LRBA: variants seen among roughly 807,000 people sequenced by gnomAD.
LRBA encodes lipopolysaccharide-responsive and beige-like anchor protein.
A neutral mutation model predicts 330.0 loss-of-function variants in LRBA; 176 were observed. The observed-to-expected ratio is 0.53, with a 90% confidence interval of 0.47 to 0.60. The LOEUF is 0.60. LRBA is among the 20% of genes least tolerant of loss of function. LRBA has a pLI of 0.00. For missense variants in LRBA, 3,259 were observed against 3,444.8 expected (o/e 0.95, Z 1.35); for synonymous variants, 1,230 against 1,193.0 (o/e 1.03, Z -0.64).
rs1770626566 is a variant in LRBA, at chr4:150,576,978, A to G, written c.6330+11070T>C. 4.6e-5 allele frequency among the ~76,000 whole-genome samples: 7 copies of G among 152,032 alleles called. No individual in the cohort carries two copies. In the South Asian group the frequency reaches 1.5e-3, roughly 32 times the overall value. On this transcript the variant is annotated intron_variant, in intron 40 of 56. Coordinates refer to ENST00000651943, the MANE Select transcript of LRBA (RefSeq NM_001364905.1). ...GGCTATTTTGTGAGGGGGGAAGAAT[A>G]ACTTGTTTCAACAGCATGCTTGACC...
chr4:150,794,669 A>T (rs1560826391), intron 34 of LRBA, among the ~76,000 whole-genome samples: 1 of 152,090 alleles, frequency 6.6e-6, no homozygotes, highest in African/African-American at 2.4e-5. Flanking sequence ...AAACAGCAAC[A>T]ATCTACATAT....
chr4:150,913,559 G>A (rs1217880722), intron 9 of LRBA, among the ~76,000 whole-genome samples: 1 of 152,186 alleles, frequency 6.6e-6, no homozygotes, highest in Non-Finnish European at 1.5e-5. Context: ...GGGCTGCATT[G>A]CTGTTCAAGT....
chr4:150,269,081 T>C (rs1745735707), intron 56 of LRBA, among the ~76,000 whole-genome samples: 2 of 152,100 alleles, frequency 1.3e-5, no homozygotes, highest in Non-Finnish European at 2.9e-5. Context: ...TTTTATACAC[T>C]AACAAACAAT....
chr4:150,328,185 A>C (rs1003810703), intron 48 of LRBA, among the ~76,000 whole-genome samples: 5 of 152,212 alleles, frequency 3.3e-5, no homozygotes, highest in Admixed American at 6.5e-5. Flanking sequence ...AATGAGCAGA[A>C]ATAGGAATAC....
chr4:150,672,132 T>C (rs1782115282), intron 37 of LRBA, among the ~76,000 whole-genome samples: 1 of 152,172 alleles, frequency 6.6e-6, no homozygotes, highest in Non-Finnish European at 1.5e-5. Flanking sequence ...ATTTTTACCA[T>C]TGACCATATT....
intron 40 of LRBA, among the ~76,000 whole-genome samples, chr4:150,509,545 T>C (rs1050982208): frequency 1.9e-4 from 23 of 120,566 alleles, no homozygotes; most frequent in African/African-American, 5.8e-4. Context: ...AAGGAAATAA[T>C]AAAAATCAAA....
At chr4:150,591,337 C>T (rs1006707614) in intron 38 of LRBA, among the ~76,000 whole-genome samples, 4 of 152,168 alleles carry the variant, frequency 2.6e-5, no homozygotes, top group African/African-American at 9.7e-5. Flanking sequence ...AGCTAAGAGA[C>T]ATTCACAAGC....
intron 46 of LRBA, among the ~76,000 whole-genome samples, chr4:150,434,669 T>C (rs1198758339): frequency 2.0e-5 from 3 of 151,904 alleles, no homozygotes; most frequent in Admixed American, 6.6e-5. Context: ...CTGGGCAACA[T>C]AGGGAGACCC....
At chr4:150,706,115 A>G (rs994402855) in intron 36 of LRBA, among the ~76,000 whole-genome samples, 1 of 152,004 alleles carries the variant, frequency 6.6e-6, no homozygotes, top group African/African-American at 2.4e-5. Flanking sequence ...TTAACAAGCC[A>G]AAGAATTTTG....
chr4:150,734,377 G>A (rs1164629839), intron 36 of LRBA, among the ~76,000 whole-genome samples: 2 of 151,688 alleles, frequency 1.3e-5, no homozygotes, highest in Non-Finnish European at 2.9e-5. Flanking sequence ...TTTAAATTTT[G>A]TACTTATATT....
chr4:150,962,133 A>G (rs1287459737), intron 2 of LRBA, among the ~76,000 whole-genome samples: 2 of 149,486 alleles, frequency 1.3e-5, no homozygotes, highest in East Asian at 3.8e-4. Context: ...AAACAATTCA[A>G]TAAACAGCAT....
chr4:150,302,864 AAAAC>A, intron 52 of LRBA, 72 bp from the exon 53 acceptor site: 1 of 1,144,026 alleles, frequency 8.7e-7, no homozygotes, highest in Non-Finnish European at 1.2e-6. Context: ...GATAACTTGT[AAAAC>A]AACGAAGCTA....
At chr4:150,680,618 T>C (rs1017956609) in intron 37 of LRBA, among the ~76,000 whole-genome samples, 3 of 152,224 alleles carry the variant, frequency 2.0e-5, no homozygotes, top group Non-Finnish European at 4.4e-5. Context: ...ATCATTGTGT[T>C]ATCCATAAAG....
chr4:150,541,216 G>A lies in LRBA; in HGVS notation c.6330+46832C>T, dbSNP rs552303787. Reference sequence around the variant, plus strand: ...AGTTCCAGGGAGGAAGAAGGGAAAGGAGAAGGATAAAGACCAAAGAGCATG... The same window carrying A: ...AGTTCCAGGGAGGAAGAAGGGAAAGAAGAAGGATAAAGACCAAAGAGCATG... On this transcript the variant is annotated intron_variant, in intron 40 of 56. Transcript: ENST00000651943. Among the ~76,000 whole-genome samples the A allele has an allele frequency of 2.0e-5, 3 of 152,280 alleles. 1 individual carries two copies. The East Asian group carries it at 5.8e-4, about 29-fold the overall frequency.
chr4:150,617,883 G>T (rs1191573370), intron 37 of LRBA, among the ~76,000 whole-genome samples: 1 of 152,144 alleles, frequency 6.6e-6, no homozygotes, highest in Non-Finnish European at 1.5e-5. Context: ...AGGTGGGCCA[G>T]ACTGCTTGAG....
At chr4:150,324,862 C>T (rs1424955437) in intron 49 of LRBA, among the ~76,000 whole-genome samples, 24 of 152,120 alleles carry the variant, frequency 1.6e-4, no homozygotes, top group Admixed American at 1.6e-3. Flanking sequence ...TAGTCTATTC[C>T]TTAAAAATTA....
chr4:150,642,982 G>A (rs1464447917), intron 37 of LRBA, among the ~76,000 whole-genome samples: 1 of 151,854 alleles, frequency 6.6e-6, no homozygotes, highest in African/African-American at 2.4e-5. Context: ...TAATATTCTA[G>A]TGATTTGTGC....
intron 45 of LRBA, 87 bp from the exon 46 acceptor site, chr4:150,435,795 T>C (rs1462336387): frequency 5.1e-6 from 5 of 971,886 alleles, no homozygotes; most frequent in Non-Finnish European, 7.7e-6. Flanking sequence ...AATACTTTAA[T>C]GACTAATAGG....
intron 2 of LRBA, among the ~76,000 whole-genome samples, chr4:150,945,617 G>A (rs186260946): frequency 1.3e-5 from 2 of 152,228 alleles, no homozygotes; most frequent in African/African-American, 4.8e-5. Context: ...TAAAGTGTAG[G>A]TGATAAATAA....
Sources: gnomAD v4.1 joint callset for allele counts (sites outside exome capture counted in the v4.1 genomes callset) on GRCh38, gnomAD v4.1.1 for gene constraint, MANE v1.5 for transcripts, NCBI Gene and HGNC (gene_info 2026-07-23, HGNC 2026-07-21) for gene names.